MLLT3: variants seen among roughly 807,000 people sequenced by gnomAD.
MLLT3 encodes protein AF-9.
MLLT3 carries 4 observed loss-of-function variants against 53.2 expected under a neutral mutation model. The ratio of observed to expected loss-of-function variants is 0.08; its 90% CI spans 0.04 to 0.17. MLLT3 has a LOEUF of 0.17. MLLT3 is among the 10% of genes least tolerant of loss of function. The pLI, the probability that MLLT3 is intolerant of heterozygous loss-of-function variation, is 1.00. For missense variants in MLLT3, 569 were observed against 684.0 expected, an observed-to-expected ratio of 0.83 and a Z score of 1.87; for synonymous variants, 283 against 230.6, an observed-to-expected ratio of 1.23 and a Z score of -2.06.
intron 8 of MLLT3, among the ~76,000 whole-genome samples, chr9:20,355,926 T>C (rs1323188096): frequency 6.6e-6 from 1 of 152,184 alleles, no homozygotes; most frequent in Non-Finnish European, 1.5e-5. Context: ...AACATAAAGA[T>C]TTTAAGAATG....
At chr9:20,566,501 T>C (rs2131158734) in intron 2 of MLLT3, among the ~76,000 whole-genome samples, 1 of 152,246 alleles carries the variant, frequency 6.6e-6, no homozygotes, top group Middle Eastern at 3.4e-3. Context: ...TTGTTATGTA[T>C]CCTTCCAGCC....
intron 2 of MLLT3, among the ~76,000 whole-genome samples, chr9:20,543,666 GAGGAGA>G (rs1421046402): frequency 1.3e-5 from 2 of 151,802 alleles, no homozygotes; most frequent in Non-Finnish European, 2.9e-5. Context: ...GGAAAAGAAG[GAGGAGA>G]AGGAGAAGAG....
chr9:20,425,073 G>C (rs185494119), intron 4 of MLLT3, among the ~76,000 whole-genome samples: 110 of 152,248 alleles, frequency 7.2e-4, no homozygotes, highest in Middle Eastern at 6.8e-3. Flanking sequence ...CTGAACAGAA[G>C]AGAAGGGAAA....
chr9:20,366,269 A>G (rs898800898), intron 5 of MLLT3, among the ~76,000 whole-genome samples: 2 of 151,530 alleles, frequency 1.3e-5, no homozygotes, highest in Non-Finnish European at 2.9e-5. Flanking sequence ...TTATTGTTCA[A>G]CTCTTCACTT....
chr9:20,361,078 G>C (rs558712712), intron 7 of MLLT3, among the ~76,000 whole-genome samples: 1 of 152,180 alleles, frequency 6.6e-6, no homozygotes, highest in Non-Finnish European at 1.5e-5. Flanking sequence ...CTGAGACTCA[G>C]AAAGACTGGG....
chr9:20,533,070 C>T, intron 2 of MLLT3: 2 of 251,900 alleles, frequency 7.9e-6, no homozygotes, highest in South Asian at 9.0e-5. Context: ...CCTGCCTGCC[C>T]TGTGTCGTAA....
intron 2 of MLLT3, among the ~76,000 whole-genome samples, chr9:20,604,128 T>C (rs1235635759): frequency 6.6e-6 from 1 of 152,036 alleles, no homozygotes; most frequent in African/African-American, 2.4e-5. Context: ...CAATAAAGTA[T>C]TTCCCTGCCC....
At chr9:20,400,045 T>TA (rs146957209) in intron 5 of MLLT3, among the ~76,000 whole-genome samples, 28 of 149,924 alleles carry the variant, frequency 1.9e-4, no homozygotes, top group Non-Finnish European at 2.2e-4. Flanking sequence ...CTAACATCAT[T>TA]AAAAAAAAAG....
Position 20,448,090 on chromosome 9 carries a change from T to G in MLLT3, c.420+33A>C, listed in dbSNP as rs144694974. On this transcript the variant is annotated intron_variant, in intron 4 of 10. Coordinates refer to ENST00000380338, the MANE Select transcript of MLLT3 (RefSeq NM_004529.4). The surrounding 1 kb of genome is among the most constrained non-coding windows in gnomAD (Gnocchi z 4.0). Reference sequence around the variant, plus strand: ...TTTTTTTGTTGTTGTTGTTTTTTAATAGGAATGCTTTTCACAAGAGAGTGC... The same window carrying G: ...TTTTTTTGTTGTTGTTGTTTTTTAAGAGGAATGCTTTTCACAAGAGAGTGC... The G allele has an allele frequency of 4.0e-4, 631 of 1,577,166 alleles. 2 individuals carry two copies. The African/African-American group carries it at 8.1e-3, about 20-fold the overall frequency.
intron 2 of MLLT3, among the ~76,000 whole-genome samples, chr9:20,475,875 G>A (rs1027530691): frequency 6.6e-6 from 1 of 151,974 alleles, no homozygotes; most frequent in African/African-American, 2.4e-5. Flanking sequence ...TAAAGCTATT[G>A]GTCAGTGTGT....
At chr9:20,492,309 G>C (rs1052253380) in intron 2 of MLLT3, among the ~76,000 whole-genome samples, 1 of 151,920 alleles carries the variant, frequency 6.6e-6, no homozygotes, top group Non-Finnish European at 1.5e-5. Flanking sequence ...TTTTTAACCT[G>C]TAAACTCTGC....
intron 5 of MLLT3, among the ~76,000 whole-genome samples, chr9:20,384,364 G>T (rs1173262638): frequency 1.3e-5 from 2 of 152,020 alleles, no homozygotes; most frequent in Non-Finnish European, 2.9e-5. Context: ...GTCTGGTCAT[G>T]TGGTATATCA....
chr9:20,354,332 G>A lies in MLLT3; in HGVS notation c.1503+476C>T, dbSNP rs1180125284. On this transcript the variant is annotated intron_variant, in intron 9 of 10. Transcript: ENST00000380338. ...CCATTTGCGATAAAGGCAAATGAAAGATTTGTGAAACATTACAGAGGTCTG... is the reference window on the plus strand; with the variant it reads ...CCATTTGCGATAAAGGCAAATGAAAAATTTGTGAAACATTACAGAGGTCTG... Among the ~76,000 whole-genome samples, 3 of 152,236 alleles carry A rather than the reference G, an allele frequency of 2.0e-5. No individual in the cohort carries two copies. In the East Asian group the frequency reaches 5.8e-4, roughly 29 times the overall value.
intron 2 of MLLT3, among the ~76,000 whole-genome samples, chr9:20,512,954 A>G (rs1469071271): frequency 6.6e-6 from 1 of 152,248 alleles, no homozygotes; most frequent in African/African-American, 2.4e-5. Flanking sequence ...GGACAATTCA[A>G]TACAAATGAT....
At chr9:20,387,990 C>A (rs558287789) in intron 5 of MLLT3, among the ~76,000 whole-genome samples, 1,770 of 152,222 alleles carry the variant, frequency 0.012, 12 homozygotes, top group Admixed American at 0.021. Context: ...AATTGCCCCC[C>A]AAAAATACCT....
intron 2 of MLLT3, among the ~76,000 whole-genome samples, chr9:20,470,015 T>C (rs958365898): frequency 6.6e-6 from 1 of 152,052 alleles, no homozygotes; most frequent in African/African-American, 2.4e-5. Flanking sequence ...AATTCTATTA[T>C]AGTCTAATTT....
intron 2 of MLLT3, among the ~76,000 whole-genome samples, chr9:20,592,477 T>A (rs1820153515): frequency 6.6e-6 from 1 of 152,178 alleles, no homozygotes; most frequent in Admixed American, 6.5e-5. Flanking sequence ...GGTGTGTCTG[T>A]CCTAATCTTC....
intron 10 of MLLT3, among the ~76,000 whole-genome samples, chr9:20,350,898 T>C (rs931050428): frequency 6.6e-6 from 1 of 152,178 alleles, no homozygotes; most frequent in Non-Finnish European, 1.5e-5. Flanking sequence ...GTTCTTTCCA[T>C]GTGAAGCAGC....
At chr9:20,438,837 G>C (rs1283504666) in intron 4 of MLLT3, among the ~76,000 whole-genome samples, 3 of 152,082 alleles carry the variant, frequency 2.0e-5, no homozygotes, top group Non-Finnish European at 4.4e-5. Flanking sequence ...GCTGATATTT[G>C]TAAGGCCAAC....
Sources: gnomAD v4.1 joint callset for allele counts (sites outside exome capture counted in the v4.1 genomes callset) on GRCh38, gnomAD v4.1.1 for gene constraint, Gnocchi (gnomAD v3.1) non-coding constraint, MANE v1.5 for transcripts, NCBI Gene and HGNC (gene_info 2026-07-23, HGNC 2026-07-21) for gene names.